TARS1: variants seen among roughly 807,000 people sequenced by gnomAD.
The protein encoded by TARS1 is threonine--tRNA ligase 1, cytoplasmic.
A neutral mutation model predicts 97.7 loss-of-function variants in TARS1; 57 were observed. The ratio of observed to expected loss-of-function variants is 0.58; its 90% CI spans 0.47 to 0.73. The LOEUF (loss-of-function observed/expected upper bound fraction) is 0.73. TARS1 is among the 30% of genes least tolerant of loss of function. TARS1 has a pLI of 0.00. For synonymous variants in TARS1, 312 were observed against 293.7 expected (o/e 1.06, Z -0.64); for missense variants, 806 against 888.3 (o/e 0.91, Z 1.18).
chr5:33,452,774 T>C (rs1741806739), intron 3 of TARS1, among the ~76,000 whole-genome samples: 1 of 151,956 alleles, frequency 6.6e-6, no homozygotes, highest in Non-Finnish European at 1.5e-5. Context: ...AGTAGGCCTT[T>C]TTTTTTTCCT....
In TARS1 at chr5:33,443,314, T is replaced by TCC. The variant is rs1337146590; in HGVS notation, c.58-2009_58-2008insCC. ...AACCTTTGTGGTGATTCCCTCTCTC[T>TCC]CTCTCCCTCTCTCTCTCTCTCTCTC... On this transcript the variant is annotated intron_variant, in intron 1 of 18. Transcript: ENST00000265112. Among the ~76,000 whole-genome samples, 781 of 125,166 alleles carry TCC rather than the reference T, an allele frequency of 6.2e-3. 6 individuals carry two copies. Among genetic ancestry groups the TCC allele is most frequent in the African/African-American group, 0.026 (753 of 29,490 alleles). 82.1% of individuals were successfully genotyped at this position (125,166 alleles called of 152,430 possible).
chr5:33,453,404 G>C lies in TARS1; in HGVS notation c.445G>C (p.Ala149Pro). The change falls in exon 4 of 19, where the codon GCT (alanine) becomes CCT (proline). Residue 149 changes from alanine (A) to proline (P), a missense_variant. By Grantham distance (27) the Ala-to-Pro change is conservative. Coordinates refer to ENST00000265112, the MANE Select transcript of TARS1 (RefSeq NM_152295.5). Reference protein sequence around the residue: ...LELLKFEDEEAQAVYWHSSAH... With the variant: ...LELLKFEDEEPQAVYWHSSAH... The stretch of plus-strand genomic sequence containing the variant: ...GCTTCTCAAGTTTGAGGATGAGGAA[G>C]CTCAGGCAGTAAGTTGCTGATTAGT... The C allele has an allele frequency of 6.2e-7, 1 of 1,613,258 alleles. No individual in the cohort carries two copies. Among genetic ancestry groups the C allele is most frequent in the Non-Finnish European group, 8.5e-7 (1 of 1,179,812 alleles).
At chr5:33,453,243 T>C in intron 3 of TARS1, 46 bp from the exon 4 acceptor site, 1 of 1,500,202 alleles carries the variant, frequency 6.7e-7, no homozygotes, top group South Asian at 1.4e-5. Flanking sequence ...TAGATTCGTG[T>C]GTACTTATAT....
chr5:33,443,333 CTCTCTCT>C (rs1741228322), intron 1 of TARS1, among the ~76,000 whole-genome samples: 1 of 120,566 alleles, frequency 8.3e-6, no homozygotes, highest in Non-Finnish European at 1.8e-5. Flanking sequence ...CTCTCTCTCT[CTCTCTCT>C]CTCTCTCTCT....
Position 33,455,061 on chromosome 5 carries a change from A to AG in TARS1, c.571dup (p.Glu191GlyfsTer6). On this transcript the variant is annotated frameshift_variant, in exon 5 of 19. Coordinates refer to ENST00000265112, the MANE Select transcript of TARS1 (RefSeq NM_152295.5). LOFTEE classifies it high-confidence loss of function. ...GATTCTATTATGACATGTACCTCGA[A>AG]GAAGGGTAAGCCATCAACTAGATAA... is the stretch of plus-strand genomic sequence containing the variant. 1 of 1,613,590 alleles carries AG rather than the reference A, an allele frequency of 6.2e-7. No homozygotes were observed. The highest frequency in any genetic ancestry group is 8.5e-7 in the Non-Finnish European group (1 of 1,179,752).
intron 17 of TARS1, among the ~76,000 whole-genome samples, chr5:33,465,106 A>G (rs1742471762): frequency 6.6e-6 from 1 of 152,162 alleles, no homozygotes; most frequent in African/African-American, 2.4e-5. Context: ...AAATAAAAAA[A>G]ATGAAGTGAA....
In TARS1 at chr5:33,467,664, C is replaced by T; in HGVS notation, c.2128C>T (p.Gln710Ter). The T allele has an allele frequency of 6.2e-7, 1 of 1,613,776 alleles. No homozygotes were observed. The highest frequency in any genetic ancestry group is 8.5e-7 in the Non-Finnish European group (1 of 1,179,852). Residue 710 changes from glutamine (Q) to a stop codon, truncating the protein, a stop_gained, in exon 19 of 19, where the codon CAG becomes TAG. Transcript: ENST00000265112. LOFTEE classifies it high-confidence loss of function. ...TISETIERLQ[Q>*]LKEFRSKQAE... Reference sequence around the variant, plus strand: ...TTCTGAAACTATCGAGCGGCTACAGCAGCTCAAAGAGTTCCGCAGCAAACA... The same window carrying T: ...TTCTGAAACTATCGAGCGGCTACAGTAGCTCAAAGAGTTCCGCAGCAAACA...
chr5:33,449,317 G>GTA (rs1422377897), intron 3 of TARS1, among the ~76,000 whole-genome samples: 4 of 136,362 alleles, frequency 2.9e-5, no homozygotes, highest in Non-Finnish European at 4.7e-5. Context: ...ATATATATGT[G>GTA]TATATATATA....
At chr5:33,442,740 G>T (rs1741172549) in intron 1 of TARS1, among the ~76,000 whole-genome samples, 1 of 149,358 alleles carries the variant, frequency 6.7e-6, no homozygotes, top group African/African-American at 2.6e-5. Flanking sequence ...TCCTGACCTC[G>T]TGATCCGCCC....
At chr5:33,453,267 T>G in intron 3 of TARS1, 22 bp from the exon 4 acceptor site, 1 of 1,152,840 alleles carries the variant, frequency 8.7e-7, no homozygotes, top group Non-Finnish European at 1.1e-6. Context: ...TGTGGACTTT[T>G]TTTTTTTTTT....
At chr5:33,446,996 A>G (rs1339436100) in intron 2 of TARS1, among the ~76,000 whole-genome samples, 1 of 152,156 alleles carries the variant, frequency 6.6e-6, no homozygotes, top group Non-Finnish European at 1.5e-5. Context: ...TTACAAAGAT[A>G]TTAGGGCCTG....
Position 33,461,679 on chromosome 5 carries a change from A to C in TARS1, c.1564A>C (p.Ser522Arg). The C allele has an allele frequency of 6.2e-7, 1 of 1,613,986 alleles. No individual in the cohort carries two copies. The highest frequency in any genetic ancestry group is 8.5e-7 in the Non-Finnish European group (1 of 1,179,948). ...GCTTTATCCTCAGCAACTTGAAAAC[A>C]GTCTGAATGAATTTGGTGAAAAGTG... ...WDQAEKQLEN[S>R]LNEFGEKWEL... The change falls in exon 14 of 19, where the codon AGT becomes CGT. Residue 522 changes from serine (S) to arginine (R), a missense_variant. By Grantham distance (110) the Ser-to-Arg change is moderately radical (BLOSUM62 -1). Transcript: ENST00000265112.
chr5:33,465,396 A>T (rs774774660), intron 17 of TARS1, among the ~76,000 whole-genome samples: 3 of 152,228 alleles, frequency 2.0e-5, no homozygotes, highest in Admixed American at 6.5e-5. Flanking sequence ...ACAGGGCAGT[A>T]CTCCTGATAC....
In TARS1 at chr5:33,446,797, A is replaced by C. The variant is rs371425263; in HGVS notation, c.138+1393A>C. On this transcript the variant is annotated intron_variant, in intron 2 of 18. Coordinates refer to ENST00000265112, the MANE Select transcript of TARS1 (RefSeq NM_152295.5). ...GGATTATAATGATGCTTTAGAGTGG[A>C]TGGAACTGGGTACTGTGCATTAGTC... The C allele has an allele frequency of 3.5e-5, 43 of 1,241,350 alleles. No homozygotes were observed. The East Asian group carries it at 1.5e-3, about 44-fold the overall frequency. 76.9% of individuals were successfully genotyped at this position (1,241,350 alleles called of 1,614,324 possible). A position where few individuals can be genotyped will look rare whatever the true frequency, so the allele number is the denominator to read the frequency against.
chr5:33,448,520 G>T (rs751932363), intron 2 of TARS1, 21 bp from the exon 3 acceptor site: 1 of 1,522,756 alleles, frequency 6.6e-7, no homozygotes, highest in Non-Finnish European at 8.8e-7. Context: ...TTTATTTCCT[G>T]ATTTGTTTGT....
intron 3 of TARS1, chr5:33,452,304 A>G: frequency 2.1e-6 from 3 of 1,430,284 alleles, no homozygotes; most frequent in Non-Finnish European, 2.9e-6. Context: ...GTGCATTTAG[A>G]TGTATAATCT....
chr5:33,461,097 G>A (rs759629899), intron 12 of TARS1, 33 bp downstream of exon 12: 1 of 1,606,616 alleles, frequency 6.2e-7, no homozygotes, highest in Non-Finnish European at 8.5e-7. Context: ...TACTTAGAAA[G>A]AAGAGTCAAG....
intron 16 of TARS1, 128 bp from the exon 17 acceptor site, chr5:33,463,625 A>T (rs1742396765): frequency 1.6e-5 from 13 of 810,346 alleles, no homozygotes; most frequent in Non-Finnish European, 2.3e-5. Context: ...GGTTTTTTAA[A>T]GCCAAGTTTT....
chr5:33,455,467 G>T, intron 5 of TARS1, 120 bp from the exon 6 acceptor site: 2 of 593,158 alleles, frequency 3.4e-6, no homozygotes, highest in South Asian at 3.4e-5. Flanking sequence ...CGATGCAATA[G>T]TCTAATTTTT....
Sources: allele counts gnomAD v4.1 joint callset (sites outside exome capture counted in the v4.1 genomes callset), GRCh38; gene constraint gnomAD v4.1.1; transcripts MANE v1.5; gene names NCBI Gene and HGNC (gene_info 2026-07-23, HGNC 2026-07-21).